ERBB4: variants seen among roughly 807,000 people sequenced by gnomAD.
The protein encoded by ERBB4 is receptor tyrosine-protein kinase erbB-4.
In ERBB4, 42 loss-of-function variants were observed where a neutral mutation model predicts 158.0. That is an observed-to-expected ratio of 0.27 (90% CI 0.21 to 0.34). The LOEUF (loss-of-function observed/expected upper bound fraction) is 0.34, where lower values mean the gene tolerates loss of function less well. Among genes scored for constraint, ERBB4 ranks in the 10% least tolerant of loss-of-function variants. The probability of loss-of-function intolerance (pLI) is 1.00; values close to 1 mark genes in which losing one functional copy is unlikely to be tolerated. For synonymous variants in ERBB4, 583 were observed against 558.7 expected (o/e 1.04, Z -0.61); for missense variants, 1,333 against 1,624.1 (o/e 0.82, Z 3.08).
rs112886042 is a variant in ERBB4, at chr2:212,252,639, G to C, written c.83-127736C>G. 4.8e-3 allele frequency among the ~76,000 whole-genome samples: 737 copies of C among 152,070 alleles called. 6 individuals are homozygous for C. The highest frequency in any genetic ancestry group is 0.017 in the Middle Eastern group (5 of 294). The stretch of plus-strand genomic sequence containing the variant: ...GAAAGAAATCAGGATGTAGCCAGGG[G>C]AAAAATTGGGGTCCAAAGAAAGTTT... On this transcript the variant is annotated intron_variant, in intron 1 of 27. Transcript: ENST00000342788.
At chr2:212,472,704 T>C (rs1689177831) in intron 1 of ERBB4, among the ~76,000 whole-genome samples, 1 of 151,726 alleles carries the variant, frequency 6.6e-6, no homozygotes, top group South Asian at 2.1e-4. Flanking sequence ...AAAAATAAAT[T>C]ACTAGAAAAA....
At chr2:212,250,870 C>T (rs960434884) in intron 1 of ERBB4, among the ~76,000 whole-genome samples, 3 of 151,770 alleles carry the variant, frequency 2.0e-5, no homozygotes, top group Non-Finnish European at 4.4e-5. Flanking sequence ...TTTCTTATTT[C>T]CATTTGTCAA....
intron 25 of ERBB4, among the ~76,000 whole-genome samples, chr2:211,402,729 G>A (rs2063070958): frequency 6.6e-6 from 1 of 152,042 alleles, no homozygotes; most frequent in South Asian, 2.1e-4. Context: ...CTGCAATAAA[G>A]TTTTAAAATG....
intron 1 of ERBB4, among the ~76,000 whole-genome samples, chr2:212,200,997 A>G (rs1441933899): frequency 1.3e-5 from 2 of 152,178 alleles, no homozygotes; most frequent in Non-Finnish European, 1.5e-5. Context: ...AAACATTTCC[A>G]GGAAGAATTT....
In ERBB4 at chr2:212,321,044, T is replaced by C. The variant is rs371133739; in HGVS notation, c.83-196141A>G. Among the ~76,000 whole-genome samples, 6 of 150,340 alleles carry C rather than the reference T, an allele frequency of 4.0e-5. No individual in the cohort carries two copies. In the East Asian group the frequency reaches 1.2e-3, roughly 29 times the overall value. On this transcript the variant is annotated intron_variant, in intron 1 of 27. Transcript: ENST00000342788. ...GAAGTTAAATGAAAAACTCTCACTG[T>C]AGAGTTTTAATATGAGATAATCACA... is the stretch of plus-strand genomic sequence containing the variant.
intron 1 of ERBB4, among the ~76,000 whole-genome samples, chr2:212,293,847 C>CAA (rs1201724620): frequency 0.48 from 30,501 of 63,088 alleles, 9,798 homozygotes; most frequent in East Asian, 0.65. Context: ...GACTCTGTCT[C>CAA]AAAAAAAAAA....
chr2:211,636,102 TG>T (rs2070349652), intron 16 of ERBB4, among the ~76,000 whole-genome samples: 1 of 16,476 alleles, frequency 6.1e-5, no homozygotes, highest in Non-Finnish European at 1.2e-3. Flanking sequence ...TGAAAATGCG[TG>T]TGTGTGTTTT....
intron 2 of ERBB4, among the ~76,000 whole-genome samples, chr2:212,005,225 T>A (rs1267412888): frequency 6.6e-6 from 1 of 152,112 alleles, no homozygotes; most frequent in Non-Finnish European, 1.5e-5. Flanking sequence ...TCACTCCTGC[T>A]AGCTGGAGTT....
intron 2 of ERBB4, among the ~76,000 whole-genome samples, chr2:212,058,657 A>G (rs1157078396): frequency 1.3e-5 from 2 of 152,242 alleles, no homozygotes; most frequent in East Asian, 1.9e-4. Context: ...AATCAACGTA[A>G]TACAGCATAT....
chr2:212,142,399 T>A (rs2080510900), intron 1 of ERBB4, among the ~76,000 whole-genome samples: 1 of 151,778 alleles, frequency 6.6e-6, no homozygotes, highest in Admixed American at 6.6e-5. Context: ...TGACTGTTGA[T>A]ATTTTGGAAT....
intron 20 of ERBB4, among the ~76,000 whole-genome samples, chr2:211,501,797 C>T (rs945503062): frequency 1.3e-5 from 2 of 151,938 alleles, no homozygotes; most frequent in Admixed American, 1.3e-4. Context: ...AAAATCTGAC[C>T]TAACATTTTA....
chr2:211,637,741 T>C (rs1411320238), intron 16 of ERBB4, among the ~76,000 whole-genome samples: 3 of 152,010 alleles, frequency 2.0e-5, no homozygotes. Context: ...GTAAACTCCA[T>C]ATTAAATACA....
intron 1 of ERBB4, among the ~76,000 whole-genome samples, chr2:212,366,014 C>T (rs2089877375): frequency 6.6e-6 from 1 of 151,786 alleles, no homozygotes; most frequent in Non-Finnish European, 1.5e-5. Context: ...TAAATACCTT[C>T]AAATCTAAGA....
At chr2:211,559,910 G>T (rs2067339162) in intron 20 of ERBB4, among the ~76,000 whole-genome samples, 1 of 152,104 alleles carries the variant, frequency 6.6e-6, no homozygotes, top group African/African-American at 2.4e-5. Context: ...ATGTGTTCAA[G>T]ATATCAACTA....
chr2:212,228,968 A>G (rs2083571444), intron 1 of ERBB4, among the ~76,000 whole-genome samples: 1 of 152,212 alleles, frequency 6.6e-6, no homozygotes, highest in Non-Finnish European at 1.5e-5. Flanking sequence ...AAAGAACTGG[A>G]ATCTCTGTAC....
At chr2:212,034,816 T>C (rs1575544810) in intron 2 of ERBB4, among the ~76,000 whole-genome samples, 1 of 152,136 alleles carries the variant, frequency 6.6e-6, no homozygotes, top group Non-Finnish European at 1.5e-5. Context: ...TTTTCTCTCA[T>C]TTGATTATAA....
chr2:212,471,561 C>A (rs993731316), intron 1 of ERBB4, among the ~76,000 whole-genome samples: 6 of 151,856 alleles, frequency 4.0e-5, no homozygotes, highest in Non-Finnish European at 7.4e-5. Flanking sequence ...CCTTTCTTAT[C>A]CATCTGTGCA....
chr2:212,016,377 C>T (rs960505329), intron 2 of ERBB4, among the ~76,000 whole-genome samples: 2 of 151,898 alleles, frequency 1.3e-5, no homozygotes, highest in South Asian at 4.1e-4. Context: ...GAAAACAATT[C>T]GAGATAATCA....
chr2:211,413,779 G>GAATT (rs1052318470), intron 25 of ERBB4, among the ~76,000 whole-genome samples: 2 of 151,930 alleles, frequency 1.3e-5, no homozygotes, highest in South Asian at 2.1e-4. Flanking sequence ...CGACCATGAA[G>GAATT]AATTAGGCAT....
Sources: gnomAD v4.1 joint callset for allele counts (sites outside exome capture counted in the v4.1 genomes callset) on GRCh38, gnomAD v4.1.1 for gene constraint, MANE v1.5 for transcripts, NCBI Gene and HGNC (gene_info 2026-07-23, HGNC 2026-07-21) for gene names.